Variants in PLCE1 observed in about 807,000 individuals in gnomAD.
The protein encoded by PLCE1 is phospholipase C epsilon 1, also known as 1-phosphatidylinositol 4,5-bisphosphate phosphodiesterase epsilon-1.
Under a neutral mutation model 242.8 loss-of-function variants are expected in PLCE1, and 119 were observed. That is an observed-to-expected ratio of 0.49 (90% CI 0.42 to 0.57). The LOEUF (loss-of-function observed/expected upper bound fraction) is 0.57, where lower values mean the gene tolerates loss of function less well. PLCE1 is among the 20% of genes least tolerant of loss of function. The probability of loss-of-function intolerance (pLI) is 0.00; values close to 1 mark genes in which losing one functional copy is unlikely to be tolerated. For missense variants in PLCE1, 2,441 were observed against 2,788.8 expected, an observed-to-expected ratio of 0.88 and a Z score of 2.81; for synonymous variants, 945 against 1,017.4, an observed-to-expected ratio of 0.93 and a Z score of 1.35.
chr10:94,077,138 T>G (rs2044527763), intron 2 of PLCE1, among the ~76,000 whole-genome samples: 1 of 152,246 alleles, frequency 6.6e-6, no homozygotes, highest in African/African-American at 2.4e-5. Context: ...CTTATGAGTG[T>G]ATCAGGGCTG....
rs1589515530 is a variant in PLCE1, at chr10:94,308,482, A to G, written c.5885-99A>G. On this transcript the variant is annotated intron_variant, in intron 26 of 32. Transcript: ENST00000371380. ...TGCATGCCTGTTGCCATCCCTGCCC[A>G]TTTTAAGGTCTTTCTACCTGTCATT... is the stretch of plus-strand genomic sequence containing the variant. 4.7e-6 allele frequency: 4 copies of G among 859,720 alleles called. No homozygotes were observed. The East Asian group carries it at 9.6e-5, about 21-fold the overall frequency. The allele number at this position is 859,720 out of a possible 1,614,324, so 53.3% of individuals were successfully genotyped here.
intron 6 of PLCE1, 45 bp downstream of exon 6, chr10:94,234,357 T>C (rs768166300): frequency 2.5e-5 from 40 of 1,603,034 alleles, no homozygotes; most frequent in Non-Finnish European, 3.4e-5. Flanking sequence ...CCACTGTTGC[T>C]GGCTGTCTCA....
At chr10:94,080,264 C>G (rs189923947) in intron 2 of PLCE1, among the ~76,000 whole-genome samples, 170 of 152,348 alleles carry the variant, frequency 1.1e-3, no homozygotes, top group African/African-American at 3.9e-3. Context: ...CTCTCTGCCT[C>G]AGGCCCTTTG....
chr10:94,034,761 A>G lies in PLCE1; in HGVS notation c.1206+2509A>G, dbSNP rs1589889735. Among the ~76,000 whole-genome samples the G allele has an allele frequency of 5.9e-5, 9 of 152,116 alleles. 2 individuals carry two copies. The highest frequency in any genetic ancestry group is 5.9e-4 in the Admixed American group (9 of 15,262). Reference sequence around the variant, plus strand: ...CACTGGGGTAGGGCACAGCATGAATATTTTTTTCAAAGTTCCCTTGGTGAT... The same window carrying G: ...CACTGGGGTAGGGCACAGCATGAATGTTTTTTTCAAAGTTCCCTTGGTGAT... On this transcript the variant is annotated intron_variant, in intron 2 of 32. Coordinates refer to ENST00000371380, the MANE Select transcript of PLCE1 (RefSeq NM_016341.4).
intron 8 of PLCE1, among the ~76,000 whole-genome samples, chr10:94,250,497 T>C (rs545073303): frequency 6.6e-6 from 1 of 151,248 alleles, no homozygotes; most frequent in Non-Finnish European, 1.5e-5. Context: ...GGAGACTCCA[T>C]CTCCAAGAAA....
At chr10:94,303,187 A>G (rs1353069291) in intron 24 of PLCE1, among the ~76,000 whole-genome samples, 1 of 152,246 alleles carries the variant, frequency 6.6e-6, no homozygotes, top group Non-Finnish European at 1.5e-5. Flanking sequence ...GTAGAGGCCA[A>G]CTTCTCATTG....
At chr10:94,069,203 C>G (rs2044282299) in intron 2 of PLCE1, among the ~76,000 whole-genome samples, 1 of 152,168 alleles carries the variant, frequency 6.6e-6, no homozygotes, top group Non-Finnish European at 1.5e-5. Context: ...TCAAAAGGAA[C>G]ACAAAATTTT....
At chr10:94,136,804 A>G (rs546571758) in intron 3 of PLCE1, among the ~76,000 whole-genome samples, 1 of 152,350 alleles carries the variant, frequency 6.6e-6, no homozygotes, top group Admixed American at 6.5e-5. Context: ...ATTGATCCAC[A>G]AGGATATGCC....
At chr10:94,017,395 A>T (rs540955001) in intron 1 of PLCE1, among the ~76,000 whole-genome samples, 1 of 152,184 alleles carries the variant, frequency 6.6e-6, no homozygotes, top group Non-Finnish European at 1.5e-5. Flanking sequence ...CTCAGTGGCA[A>T]ATCAGAGGCA....
intron 2 of PLCE1, among the ~76,000 whole-genome samples, chr10:94,069,777 T>A (rs1360610225): frequency 6.6e-6 from 1 of 152,194 alleles, no homozygotes; most frequent in Non-Finnish European, 1.5e-5. Context: ...TTTGACAGCA[T>A]CTGAGACAAT....
chr10:94,044,599 G>A (rs1406016322), intron 2 of PLCE1, among the ~76,000 whole-genome samples: 1 of 152,210 alleles, frequency 6.6e-6, no homozygotes, highest in African/African-American at 2.4e-5. Context: ...ACAGTTCAGA[G>A]GCACTCACAA....
intron 4 of PLCE1, among the ~76,000 whole-genome samples, chr10:94,179,941 A>G (rs1388661889): frequency 6.6e-6 from 1 of 152,166 alleles, no homozygotes; most frequent in Non-Finnish European, 1.5e-5. Context: ...GTTCCCAAAA[A>G]AAAAAAAAAC....
intron 2 of PLCE1, among the ~76,000 whole-genome samples, chr10:94,047,576 A>G (rs2043632986): frequency 6.6e-6 from 1 of 152,220 alleles, no homozygotes; most frequent in Non-Finnish European, 1.5e-5. Flanking sequence ...ATCTATTTTG[A>G]AAATTGCCTT....
At chr10:94,061,197 A>G (rs2044046917) in intron 2 of PLCE1, among the ~76,000 whole-genome samples, 1 of 152,132 alleles carries the variant, frequency 6.6e-6, no homozygotes, top group Non-Finnish European at 1.5e-5. Context: ...AGAACTTTCC[A>G]CAAAACTTCC....
chr10:94,266,430 A>G (rs1447248519), intron 16 of PLCE1, among the ~76,000 whole-genome samples: 1 of 151,674 alleles, frequency 6.6e-6, no homozygotes. Flanking sequence ...TGGTAACCAA[A>G]AAAAATGCAG....
At chr10:94,121,790 G>A (rs1488629651) in intron 2 of PLCE1, among the ~76,000 whole-genome samples, 1 of 152,092 alleles carries the variant, frequency 6.6e-6, no homozygotes, top group Non-Finnish European at 1.5e-5. Flanking sequence ...CTGGTTGTCA[G>A]AGCAATATAT....
intron 2 of PLCE1, chr10:94,081,885 C>A (rs1215579072): frequency 6.6e-6 from 1 of 152,178 alleles, no homozygotes. Flanking sequence ...TCCCTTTCCA[C>A]CTTGCCTGCT....
intron 1 of PLCE1, among the ~76,000 whole-genome samples, chr10:94,015,989 C>T (rs903413388): frequency 3.9e-5 from 6 of 152,112 alleles, no homozygotes; most frequent in African/African-American, 7.2e-5. Context: ...GAATCATACC[C>T]GTTGGTTGAT....
chr10:94,238,403 G>A (rs189035133), intron 7 of PLCE1, among the ~76,000 whole-genome samples: 14 of 152,330 alleles, frequency 9.2e-5, no homozygotes, highest in Admixed American at 2.0e-4. Flanking sequence ...TCGCTTGTCT[G>A]ACTAATAAAC....
Sources: allele counts gnomAD v4.1 joint callset (sites outside exome capture counted in the v4.1 genomes callset), GRCh38; gene constraint gnomAD v4.1.1; transcripts MANE v1.5; gene names NCBI Gene and HGNC (gene_info 2026-07-23, HGNC 2026-07-21).